The following TBC1D19 variants were observed in gnomAD, a reference collection of about 807,000 sequenced individuals.
TBC1D19 encodes the protein TBC1 domain family, member 19.
TBC1D19 carries 60 observed loss-of-function variants against 89.0 expected under a neutral mutation model. That is an observed-to-expected ratio of 0.67 (90% confidence interval 0.55 to 0.84). The LOEUF (loss-of-function observed/expected upper bound fraction) is 0.84. Among genes scored for constraint, TBC1D19 ranks in the 40% least tolerant of loss-of-function variants. The pLI is 0.00. For synonymous variants in TBC1D19, 189 were observed against 199.7 expected, an observed-to-expected ratio of 0.95 and a Z score of 0.45; for missense variants, 500 against 610.8, an observed-to-expected ratio of 0.82 and a Z score of 1.91.
intron 7 of TBC1D19, among the ~76,000 whole-genome samples, chr4:26,655,100 C>T (rs924343253): frequency 1.3e-5 from 2 of 152,176 alleles, no homozygotes; most frequent in South Asian, 4.1e-4. Context: ...CATCAGGACC[C>T]TCAGCTGCAG....
chr4:26,790,652 A>G, the TBC1D19 span, among the ~76,000 whole-genome samples: 2 of 152,246 alleles, frequency 1.3e-5, no homozygotes, highest in African/African-American at 4.8e-5. Flanking sequence ...CACCAAGATA[A>G]TATTAAATTT....
intron 7 of TBC1D19, among the ~76,000 whole-genome samples, chr4:26,644,378 C>T (rs1025502550): frequency 1.3e-5 from 2 of 152,170 alleles, no homozygotes; most frequent in Admixed American, 6.5e-5. Flanking sequence ...CAACAGCCTA[C>T]ATGCTAAAAA....
intron 1 of TBC1D19, among the ~76,000 whole-genome samples, chr4:26,578,921 T>C (rs931154219): frequency 1.3e-5 from 2 of 152,248 alleles, no homozygotes; most frequent in Non-Finnish European, 1.5e-5. Context: ...AGCAAGCTGC[T>C]TTCTTCACAA....
intron 1 of TBC1D19, among the ~76,000 whole-genome samples, chr4:26,604,820 GC>G (rs1013502205): frequency 6.6e-6 from 1 of 151,984 alleles, no homozygotes; most frequent in Admixed American, 6.6e-5. Flanking sequence ...GGCGGAGCTT[GC>G]AGTGAGCAGA....
chr4:26,772,209 T>G, the TBC1D19 span, among the ~76,000 whole-genome samples: 1 of 150,948 alleles, frequency 6.6e-6, no homozygotes, highest in Non-Finnish European at 1.5e-5. Flanking sequence ...CTGGCCAAAG[T>G]CTACATGTGA....
chr4:26,587,576 CAAAA>C (rs34107105), intron 1 of TBC1D19, among the ~76,000 whole-genome samples: 3 of 119,002 alleles, frequency 2.5e-5, no homozygotes, highest in Non-Finnish European at 3.5e-5. Flanking sequence ...GACCTTGTCT[CAAAA>C]AAAAAAAAAA....
chr4:26,815,616 C>G, the TBC1D19 span, among the ~76,000 whole-genome samples: 1 of 152,186 alleles, frequency 6.6e-6, no homozygotes, highest in African/African-American at 2.4e-5. Context: ...GGTTTAAATG[C>G]TCTTCCTCTC....
chr4:26,811,334 A>C, the TBC1D19 span, among the ~76,000 whole-genome samples: 4 of 152,266 alleles, frequency 2.6e-5, no homozygotes, highest in African/African-American at 9.6e-5. Flanking sequence ...GGAGGGGGAC[A>C]TCACACAATG....
intron 7 of TBC1D19, among the ~76,000 whole-genome samples, chr4:26,650,031 A>G (rs1744250393): frequency 6.6e-6 from 1 of 152,174 alleles, no homozygotes; most frequent in African/African-American, 2.4e-5. Flanking sequence ...ATCCCTACAA[A>G]GGACATGAAC....
chr4:26,843,819 G>A, the TBC1D19 span, among the ~76,000 whole-genome samples: 1 of 152,150 alleles, frequency 6.6e-6, no homozygotes, highest in Non-Finnish European at 1.5e-5. Flanking sequence ...GGGAGGCCTT[G>A]GAGAGCTTTT....
At chr4:26,721,582 C>T (rs552159938) in intron 15 of TBC1D19, among the ~76,000 whole-genome samples, 2 of 152,104 alleles carry the variant, frequency 1.3e-5, no homozygotes, top group Admixed American at 1.3e-4. Context: ...TTACACTGCT[C>T]ATTTGAGTTA....
chr4:26,672,076 T>C (rs966722095), intron 9 of TBC1D19, 73 bp from the exon 10 acceptor site: 6 of 709,074 alleles, frequency 8.5e-6, no homozygotes, highest in African/African-American at 3.8e-5. Flanking sequence ...ACCAGAAAAA[T>C]GTATCTAATG....
At position 26,688,415 on chromosome 4, in the gene TBC1D19, T is replaced by A. The variant is rs749340572; in HGVS notation, c.954+8T>A. 31 of 1,545,228 alleles carry A rather than the reference T, an allele frequency of 2.0e-5. No individual in the cohort carries two copies. The highest frequency in any genetic ancestry group is 1.8e-4 in the Middle Eastern group (1 of 5,604). On this transcript the variant is annotated splice_region_variant and intron_variant, in intron 13 of 20. Transcript: ENST00000264866. ...GAAGATTATTTATATCAGGTAAGTT[T>A]AAAAATAAAAATACATAGTGTTCTT...
intron 11 of TBC1D19, among the ~76,000 whole-genome samples, chr4:26,681,871 A>C (rs1713375183): frequency 6.6e-6 from 1 of 152,232 alleles, no homozygotes; most frequent in Non-Finnish European, 1.5e-5. Context: ...TCATATTGAA[A>C]AACAACAACA....
the TBC1D19 span, among the ~76,000 whole-genome samples, chr4:26,807,062 C>T: frequency 2.0e-5 from 3 of 152,122 alleles, no homozygotes; most frequent in Non-Finnish European, 4.4e-5. Flanking sequence ...AAATTGAAGA[C>T]ACCCCCTTCC....
chr4:26,639,457 A>G (rs1255161200), intron 6 of TBC1D19, among the ~76,000 whole-genome samples: 1 of 152,172 alleles, frequency 6.6e-6, no homozygotes, highest in Non-Finnish European at 1.5e-5. Context: ...ATTAAGGTAA[A>G]TATTGTGCAA....
chr4:26,662,632 G>GT (rs1302471569), intron 8 of TBC1D19, among the ~76,000 whole-genome samples: 1 of 152,108 alleles, frequency 6.6e-6, no homozygotes, highest in Admixed American at 6.6e-5. Context: ...TTGAAAACGA[G>GT]AAAACTGAAA....
At chr4:26,630,240 A>G (rs1742725302) in intron 4 of TBC1D19, among the ~76,000 whole-genome samples, 1 of 151,966 alleles carries the variant, frequency 6.6e-6, no homozygotes. Context: ...TTGAGTCAAT[A>G]CCATAGATTC....
At chr4:26,606,852 A>G (rs1220950373) in intron 1 of TBC1D19, among the ~76,000 whole-genome samples, 1 of 152,170 alleles carries the variant, frequency 6.6e-6, no homozygotes, top group Non-Finnish European at 1.5e-5. Flanking sequence ...AGAACTTCCT[A>G]TGCCCTCATT....
Sources: allele counts gnomAD v4.1 joint callset (sites outside exome capture counted in the v4.1 genomes callset), GRCh38; gene constraint gnomAD v4.1.1; transcripts MANE v1.5; gene names NCBI Gene and HGNC (gene_info 2026-07-23, HGNC 2026-07-21).